The following UFL1 variants were observed in gnomAD, a reference collection of about 807,000 sequenced individuals.
UFL1 encodes the protein E3 UFM1-protein ligase 1.
A neutral mutation model predicts 99.3 loss-of-function variants in UFL1; 78 were observed. The ratio of observed to expected loss-of-function variants is 0.79; its 90% CI spans 0.65 to 0.95. The LOEUF (loss-of-function observed/expected upper bound fraction) is 0.95. Among genes scored for constraint, UFL1 ranks in the 40% least tolerant of loss-of-function variants. The pLI is 0.00. For missense variants in UFL1, 936 were observed against 937.0 expected, an observed-to-expected ratio of 1.00 and a Z score of 0.01; for synonymous variants, 335 against 322.2, an observed-to-expected ratio of 1.04 and a Z score of -0.42.
chr6:96,541,732 A>G (rs1769934393), intron 11 of UFL1, among the ~76,000 whole-genome samples: 1 of 151,226 alleles, frequency 6.6e-6, no homozygotes, highest in Non-Finnish European at 1.5e-5. Flanking sequence ...AGTCTATTTA[A>G]TATTTTATTT....
intron 7 of UFL1, among the ~76,000 whole-genome samples, chr6:96,535,414 T>C (rs1196818563): frequency 2.0e-5 from 3 of 152,024 alleles, no homozygotes; most frequent in Non-Finnish European, 4.4e-5. Context: ...AATAAAAATA[T>C]AAATTTGCTA....
intron 10 of UFL1, among the ~76,000 whole-genome samples, chr6:96,540,261 T>G (rs1769912409): frequency 6.6e-6 from 1 of 151,428 alleles, no homozygotes; most frequent in South Asian, 2.1e-4. Context: ...TGGAGAGGAT[T>G]GCATCTGATT....
chr6:96,537,431 G>T lies in UFL1; in HGVS notation c.860G>T (p.Arg287Ile). 6.2e-7 allele frequency: 1 copy of T among 1,606,676 alleles called. No individual in the cohort carries two copies. The highest frequency in any genetic ancestry group is 8.5e-7 in the Non-Finnish European group (1 of 1,176,786). ...GATGCTGTAAGCTACATAAAGAAAA[G>T]ATATAAGACTACACAACTCTTGTTT... is the stretch of plus-strand genomic sequence containing the variant. Reference protein sequence around the residue: ...IPDAVSYIKKRYKTTQLLFLK... With the variant: ...IPDAVSYIKKIYKTTQLLFLK... Residue 287 changes from arginine to isoleucine, a missense_variant, in exon 9 of 19, where the codon AGA (arginine) becomes ATA (isoleucine). Coordinates refer to ENST00000369278, the MANE Select transcript of UFL1 (RefSeq NM_015323.5).
chr6:96,533,644 A>G (rs574140379), intron 6 of UFL1, among the ~76,000 whole-genome samples: 21 of 152,098 alleles, frequency 1.4e-4, no homozygotes, highest in South Asian at 6.2e-4. Context: ...GATTGTAGCA[A>G]TGGTTGCACA....
chr6:96,528,996 A>T (rs1769743052), intron 6 of UFL1, among the ~76,000 whole-genome samples: 1 of 152,236 alleles, frequency 6.6e-6, no homozygotes, highest in South Asian at 2.1e-4. Flanking sequence ...TAGCTTTATC[A>T]CATAATAGGC....
intron 9 of UFL1, among the ~76,000 whole-genome samples, chr6:96,538,097 A>G (rs1453236014): frequency 2.0e-5 from 3 of 151,758 alleles, no homozygotes; most frequent in South Asian, 2.1e-4. Context: ...GAAAGTCCCA[A>G]AGATTCCAGA....
intron 18 of UFL1, 130 bp from the exon 19 acceptor site, chr6:96,553,155 C>A: frequency 1.3e-6 from 1 of 753,836 alleles, no homozygotes; most frequent in Non-Finnish European, 2.1e-6. Flanking sequence ...CTAGATTAGA[C>A]TTGCTACTTA....
chr6:96,521,942 C>T lies in UFL1; in HGVS notation c.69C>T (p.Ala23=). ...TCCAGCGGGCGCAGTTCGCCGAGGC[C>T]ACGCAGAGGTGCCCGACCCTCCCTC... The part of the protein sequence containing the change: ...ADFQRAQFAE[A]TQRLSERNCI... The change falls in exon 1 of 19, where the codon GCC becomes GCT. Residue 23 remains alanine, a synonymous_variant. Transcript: ENST00000369278. 2.5e-6 allele frequency: 4 copies of T among 1,612,028 alleles called. No individual in the cohort carries two copies. In the East Asian group the frequency reaches 8.9e-5, roughly 36 times the overall value.
At chr6:96,542,529 C>T (rs1182005887) in intron 11 of UFL1, among the ~76,000 whole-genome samples, 1 of 150,982 alleles carries the variant, frequency 6.6e-6, no homozygotes, top group Non-Finnish European at 1.5e-5. Context: ...CACAGATGAG[C>T]AAAGGAGGAC....
At chr6:96,536,136 GGTT>G in intron 7 of UFL1, 105 bp from the exon 8 acceptor site, 1 of 1,079,666 alleles carries the variant, frequency 9.3e-7, no homozygotes, top group Non-Finnish European at 1.3e-6. Flanking sequence ...ACTTCAGATT[GGTT>G]TTTTAAAGGT....
rs1045442800 is a variant in UFL1 at position 96,521,945 on chromosome 6, G to A, written c.72G>A (p.Thr24=). 4 of 1,611,610 alleles carry A rather than the reference G, an allele frequency of 2.5e-6. No homozygotes were observed. The Admixed American group carries it at 5.0e-5, about 20-fold the overall frequency. ...DFQRAQFAEA[T]QRLSERNCIE... ...AGCGGGCGCAGTTCGCCGAGGCCAC[G>A]CAGAGGTGCCCGACCCTCCCTCTCC... Residue 24 remains threonine, a synonymous_variant, in exon 1 of 19, where the codon ACG becomes ACA. Coordinates refer to ENST00000369278, the MANE Select transcript of UFL1 (RefSeq NM_015323.5).
chr6:96,537,472 G>A lies in UFL1; in HGVS notation c.901G>A (p.Val301Ile). The change falls in exon 9 of 19, where the codon GTT (valine) becomes ATT (isoleucine). Residue 301 changes from valine (V) to isoleucine (I), a missense_variant. Physicochemically the swap from Val to Ile is conservative, Grantham distance 29. Coordinates refer to ENST00000369278, the MANE Select transcript of UFL1 (RefSeq NM_015323.5). ...ACTCTTGTTTTTGAAAGCAGCTTGT[G>A]TTGGTCAAGGACTTGTGGATCAAGT... Reference protein sequence around the residue: ...TQLLFLKAACVGQGLVDQVEA... With the variant: ...TQLLFLKAACIGQGLVDQVEA... The A allele has an allele frequency of 1.9e-6, 3 of 1,610,662 alleles. No homozygotes were observed. The highest frequency in any genetic ancestry group is 2.7e-5 in the African/African-American group (2 of 74,652).
At chr6:96,551,397 G>A (rs758597881) in intron 15 of UFL1, 36 bp from the exon 16 acceptor site, 4 of 1,172,700 alleles carry the variant, frequency 3.4e-6, no homozygotes, top group Non-Finnish European at 4.9e-6. Context: ...CATGTCAAAA[G>A]CACAGTACTG....
intron 1 of UFL1, 122 bp downstream of exon 1, chr6:96,522,072 C>T (rs1220709991): frequency 9.0e-7 from 1 of 1,107,348 alleles, no homozygotes; most frequent in South Asian, 1.5e-5. Flanking sequence ...TCACCATTCT[C>T]TCCTCCTCCC....
intron 1 of UFL1, among the ~76,000 whole-genome samples, chr6:96,522,279 C>G (rs1355613534): frequency 6.6e-6 from 1 of 152,198 alleles, no homozygotes; most frequent in Non-Finnish European, 1.5e-5. Context: ...ACCACCAAAT[C>G]ACTGTGACAT....
intron 11 of UFL1, among the ~76,000 whole-genome samples, chr6:96,542,533 G>A (rs1222153491): frequency 4.6e-5 from 7 of 151,314 alleles, no homozygotes; most frequent in Non-Finnish European, 8.9e-5. Context: ...GATGAGCAAA[G>A]GAGGACACAT....
In UFL1 at chr6:96,552,064, C is replaced by T. The variant is rs1383125130; in HGVS notation, c.1985+141C>T. On this transcript the variant is annotated intron_variant, in intron 17 of 18. Coordinates refer to ENST00000369278, the MANE Select transcript of UFL1 (RefSeq NM_015323.5). ...ATATATCTAAATGGCTGTAGACCTT[C>T]AAGAATATTCAAAGTCTTAAAATAG... 3 of 558,272 alleles carry T rather than the reference C, an allele frequency of 5.4e-6. No individual in the cohort carries two copies. In the South Asian group the frequency reaches 9.1e-5, roughly 17 times the overall value. The allele number at this position is 558,272 out of a possible 1,614,324, so 34.6% of individuals were successfully genotyped here.
rs1434104412 is a variant in UFL1 at position 96,534,326 on chromosome 6, G to T, written c.655+5G>T. ...TTCAGGAGCAGCTTCTTTACTGTGA[G>T]TTTGGTTTAAATTATATTTACTTAA... On this transcript the variant is annotated splice_donor_5th_base_variant and intron_variant, in intron 7 of 18. Coordinates refer to ENST00000369278, the MANE Select transcript of UFL1 (RefSeq NM_015323.5). 2 of 1,569,368 alleles carry T rather than the reference G, an allele frequency of 1.3e-6. No homozygotes were observed.
At chr6:96,551,975 C>A in intron 17 of UFL1, 52 bp downstream of exon 17, 1 of 1,353,696 alleles carries the variant, frequency 7.4e-7, no homozygotes, top group Non-Finnish European at 1.0e-6. Flanking sequence ...TGGAGCCTTT[C>A]ATATCTGAAA....
Sources: allele counts gnomAD v4.1 joint callset (sites outside exome capture counted in the v4.1 genomes callset), GRCh38; gene constraint gnomAD v4.1.1; transcripts MANE v1.5; gene names NCBI Gene and HGNC (gene_info 2026-07-23, HGNC 2026-07-21).